NDST4: variants seen among roughly 807,000 people sequenced by gnomAD.
NDST4 encodes the protein N-heparan sulfate sulfotransferase 4.
Under a neutral mutation model 100.8 loss-of-function variants are expected in NDST4, and 63 were observed. That is an observed-to-expected ratio of 0.62 (90% CI 0.51 to 0.77). The LOEUF (loss-of-function observed/expected upper bound fraction) is 0.77, where lower values mean the gene tolerates loss of function less well. Ranked by LOEUF, NDST4 falls within the 30% of genes least tolerant of loss-of-function variation. NDST4 has a pLI of 0.00. For synonymous variants in NDST4, 377 were observed against 361.8 expected, an observed-to-expected ratio of 1.04 and a Z score of -0.48; for missense variants, 943 against 1,018.4, an observed-to-expected ratio of 0.93 and a Z score of 1.01.
intron 13 of NDST4, among the ~76,000 whole-genome samples, chr4:114,828,182 A>G (rs1393460288): frequency 6.6e-6 from 1 of 152,150 alleles, no homozygotes; most frequent in African/African-American, 2.4e-5. Context: ...GCACATATTT[A>G]TTGTGGGATA....
rs555461283 is a variant in NDST4, at chr4:115,067,799, T to C, written c.978+8260A>G. Among the ~76,000 whole-genome samples the C allele has an allele frequency of 3.3e-5, 5 of 152,218 alleles. No individual in the cohort carries two copies. The East Asian group carries it at 7.7e-4, about 24-fold the overall frequency. On this transcript the variant is annotated intron_variant, in intron 2 of 13. Transcript: ENST00000264363. ...AGGGTACATGTGCACAACGTGCAGG[T>C]TTGTCACATATGTATACATGTGCCA...
chr4:115,051,415 T>A (rs906718838), intron 2 of NDST4, among the ~76,000 whole-genome samples: 3 of 152,120 alleles, frequency 2.0e-5, no homozygotes, highest in Admixed American at 6.6e-5. Flanking sequence ...AATTTTCCCA[T>A]CCTTTCTATC....
chr4:114,982,577 C>T (rs1038236892), intron 2 of NDST4, among the ~76,000 whole-genome samples: 1 of 152,058 alleles, frequency 6.6e-6, no homozygotes, highest in East Asian at 1.9e-4. Flanking sequence ...AAGAGATGGT[C>T]TGAAATGGGA....
At chr4:115,007,933 C>G (rs1727457891) in intron 2 of NDST4, among the ~76,000 whole-genome samples, 1 of 129,524 alleles carries the variant, frequency 7.7e-6, no homozygotes, top group African/African-American at 2.9e-5. Context: ...CCTTGGAATT[C>G]AAGTGGTTCC....
intron 6 of NDST4, among the ~76,000 whole-genome samples, chr4:114,880,305 C>T (rs1033969971): frequency 6.6e-6 from 1 of 152,096 alleles, no homozygotes. Context: ...TTTTAGAATA[C>T]CCTGATTTTC....
At chr4:115,094,706 G>A (rs1254612391) in intron 1 of NDST4, among the ~76,000 whole-genome samples, 1 of 152,110 alleles carries the variant, frequency 6.6e-6, no homozygotes, top group Non-Finnish European at 1.5e-5. Flanking sequence ...CTGTAGTAGG[G>A]TAGGCCCCTA....
At chr4:114,895,822 A>T (rs911543183) in intron 6 of NDST4, among the ~76,000 whole-genome samples, 43 of 149,018 alleles carry the variant, frequency 2.9e-4, no homozygotes, top group African/African-American at 5.2e-4. Context: ...AAATATAATT[A>T]AAAAAAAAAG....
chr4:115,102,088 A>T (rs1729741345), intron 1 of NDST4, among the ~76,000 whole-genome samples: 1 of 152,162 alleles, frequency 6.6e-6, no homozygotes, highest in Non-Finnish European at 1.5e-5. Flanking sequence ...CTTAAGTTAA[A>T]TCAACTTATA....
Position 114,917,177 on chromosome 4 carries a change from C to T in NDST4, c.1536+18029G>A, listed in dbSNP as rs141412362. Among the ~76,000 whole-genome samples the T allele has an allele frequency of 1.8e-3, 274 of 152,104 alleles. 3 individuals carry two copies. Among genetic ancestry groups the T allele is most frequent in the African/African-American group, 6.0e-3 (251 of 41,488 alleles). On this transcript the variant is annotated intron_variant, in intron 6 of 13. Transcript: ENST00000264363. ...AATACCTAATAAAATGAAAGTTCTA[C>T]GTAAATAGTTGTTATATTCGTATTG...
intron 6 of NDST4, among the ~76,000 whole-genome samples, chr4:114,891,908 T>C (rs1282050610): frequency 6.6e-6 from 1 of 152,138 alleles, no homozygotes; most frequent in Admixed American, 6.6e-5. Context: ...TTACACATGC[T>C]CTTGTCTGTG....
At chr4:114,977,844 T>C (rs528338096) in intron 2 of NDST4, among the ~76,000 whole-genome samples, 2 of 152,026 alleles carry the variant, frequency 1.3e-5, no homozygotes, top group South Asian at 2.1e-4. Context: ...GAAGAACATG[T>C]AAAAATAGAT....
At chr4:114,899,748 T>A (rs1485039757) in intron 6 of NDST4, among the ~76,000 whole-genome samples, 2 of 152,170 alleles carry the variant, frequency 1.3e-5, no homozygotes, top group African/African-American at 4.8e-5. Context: ...ATTTTGCTGA[T>A]AATTTTTACA....
intron 6 of NDST4, among the ~76,000 whole-genome samples, chr4:114,879,522 C>T: frequency 6.6e-6 from 1 of 152,134 alleles, no homozygotes; most frequent in Admixed American, 6.6e-5. Flanking sequence ...CACTCACTAC[C>T]TGACATATTA....
At chr4:114,836,248 C>T (rs1410597393) in intron 11 of NDST4, among the ~76,000 whole-genome samples, 1 of 152,110 alleles carries the variant, frequency 6.6e-6, no homozygotes, top group Non-Finnish European at 1.5e-5. Flanking sequence ...AGGGTTGATG[C>T]AGGTTTTTTC....
chr4:115,070,650 C>A (rs537680521), intron 2 of NDST4, among the ~76,000 whole-genome samples: 102 of 152,024 alleles, frequency 6.7e-4, no homozygotes, highest in South Asian at 1.7e-3. Context: ...GATTGCCTTA[C>A]AAAAGGACAT....
At chr4:114,923,418 T>C (rs1043026204) in intron 6 of NDST4, among the ~76,000 whole-genome samples, 5 of 152,122 alleles carry the variant, frequency 3.3e-5, no homozygotes, top group East Asian at 1.9e-4. Context: ...ACAAGACATA[T>C]TGAAATATTT....
intron 3 of NDST4, among the ~76,000 whole-genome samples, chr4:114,975,746 T>C (rs1160213584): frequency 6.6e-6 from 1 of 152,134 alleles, no homozygotes; most frequent in Admixed American, 6.6e-5. Flanking sequence ...GTATTGTTTG[T>C]ATGTGAACTC....
intron 6 of NDST4, among the ~76,000 whole-genome samples, chr4:114,894,219 T>TG (rs1010512782): frequency 2.3e-4 from 35 of 152,252 alleles, no homozygotes; most frequent in African/African-American, 8.2e-4. Flanking sequence ...CTTGTCTATT[T>TG]GGGGTCTTCC....
At chr4:114,871,053 A>G (rs17047428) in intron 6 of NDST4, 103 bp from the exon 7 acceptor site, 45,846 of 699,460 alleles carry the variant, frequency 0.066, 1,901 homozygotes, top group East Asian at 0.11. Context: ...GAATTTCACA[A>G]GAAGTACAAT....
Sources: allele counts gnomAD v4.1 joint callset (sites outside exome capture counted in the v4.1 genomes callset), GRCh38; gene constraint gnomAD v4.1.1; transcripts MANE v1.5; gene names NCBI Gene and HGNC (gene_info 2026-07-23, HGNC 2026-07-21).